The following NTNG1 variants were observed in gnomAD, a reference collection of about 807,000 sequenced individuals.
NTNG1 encodes netrin-G1.
In NTNG1, 16 loss-of-function variants were observed where a neutral mutation model predicts 54.0. That is an observed-to-expected ratio of 0.30 (90% CI 0.20 to 0.45). The LOEUF is 0.45. Among genes scored for constraint, NTNG1 ranks in the 20% least tolerant of loss-of-function variants. The pLI is 1.00. For missense variants in NTNG1, 530 were observed against 678.7 expected, an observed-to-expected ratio of 0.78 and a Z score of 2.43; for synonymous variants, 255 against 263.1, an observed-to-expected ratio of 0.97 and a Z score of 0.30.
intron 3 of NTNG1, among the ~76,000 whole-genome samples, chr1:107,342,185 A>ATCT (rs1302727970): frequency 6.6e-6 from 1 of 152,092 alleles, no homozygotes; most frequent in East Asian, 1.9e-4. Flanking sequence ...GGGTTTAGGA[A>ATCT]TAACTTATAA....
intron 3 of NTNG1, among the ~76,000 whole-genome samples, chr1:107,368,328 TAA>T (rs988188959): frequency 1.4e-5 from 2 of 143,124 alleles, no homozygotes; most frequent in African/African-American, 2.6e-5. Context: ...TTTCTTTACC[TAA>T]AAAAAAAAAA....
chr1:107,458,695 A>G (rs947994145), intron 7 of NTNG1, among the ~76,000 whole-genome samples: 3 of 152,184 alleles, frequency 2.0e-5, no homozygotes, highest in Non-Finnish European at 4.4e-5. Context: ...AAGAAGAAGA[A>G]AAACATGTAA....
intron 2 of NTNG1, among the ~76,000 whole-genome samples, chr1:107,207,265 C>T (rs57808293): frequency 0.016 from 2,390 of 152,256 alleles, 57 homozygotes; most frequent in African/African-American, 0.053. Flanking sequence ...AACTATGACA[C>T]CTAGAGATTT....
chr1:107,395,265 T>C lies in NTNG1; in HGVS notation c.999T>C (p.Tyr333=). 6.2e-7 allele frequency: 1 copy of C among 1,613,676 alleles called. No individual in the cohort carries two copies. The highest frequency in any genetic ancestry group is 8.5e-7 in the Non-Finnish European group (1 of 1,179,702). Residue 333 remains tyrosine, a synonymous_variant, in exon 4 of 8, where the codon TAT becomes TAC. Transcript: ENST00000370068. The part of the protein sequence containing the change: ...GPDCGKCKKN[Y]QGRPWSPGSY... ...ACTGTGGGAAATGCAAGAAGAATTATCAGGGCCGACCTTGGAGTCCAGGCT... is the reference window on the plus strand; with the variant it reads ...ACTGTGGGAAATGCAAGAAGAATTACCAGGGCCGACCTTGGAGTCCAGGCT...
intron 2 of NTNG1, among the ~76,000 whole-genome samples, chr1:107,311,168 C>T (rs926689108): frequency 6.6e-6 from 1 of 152,144 alleles, no homozygotes; most frequent in African/African-American, 2.4e-5. Flanking sequence ...CATGCATGAC[C>T]ATTGTAAATT....
chr1:107,353,276 A>C (rs1669737220), intron 3 of NTNG1, among the ~76,000 whole-genome samples: 1 of 152,160 alleles, frequency 6.6e-6, no homozygotes, highest in Admixed American at 6.5e-5. Flanking sequence ...CATATCAGCC[A>C]AAACTGTTAG....
rs1156429 is a variant in NTNG1 at position 107,422,599 on chromosome 1, G to A, written c.1088-8151G>A. Among the ~76,000 whole-genome samples, 855 of 152,188 alleles carry A rather than the reference G, an allele frequency of 5.6e-3. 13 individuals are homozygous for A. The highest frequency in any genetic ancestry group is 0.02 in the African/African-American group (816 of 41,546). On this transcript the variant is annotated intron_variant, in intron 5 of 7. Transcript: ENST00000370068. ...CTTCAACAGCTACATAAGGATGCAA[G>A]ACAGGATGGTGGGTGGGGAAAAGAC...
At chr1:107,162,649 C>T (rs953676325) in intron 2 of NTNG1, among the ~76,000 whole-genome samples, 6 of 152,112 alleles carry the variant, frequency 3.9e-5, no homozygotes, top group African/African-American at 1.4e-4. Context: ...TAGAACTTTA[C>T]ACAGGGGGCA....
chr1:107,379,028 T>C (rs1266505016), intron 3 of NTNG1, among the ~76,000 whole-genome samples: 1 of 152,208 alleles, frequency 6.6e-6, no homozygotes, highest in African/African-American at 2.4e-5. Context: ...TAATGGCATA[T>C]CTATTTGACT....
At chr1:107,474,868 T>C (rs377735174) in intron 7 of NTNG1, among the ~76,000 whole-genome samples, 2 of 152,218 alleles carry the variant, frequency 1.3e-5, no homozygotes, top group South Asian at 4.1e-4. Context: ...CTTAATACTG[T>C]TACAGTGGCA....
intron 2 of NTNG1, among the ~76,000 whole-genome samples, chr1:107,258,713 C>T (rs1663099178): frequency 6.6e-6 from 1 of 152,192 alleles, no homozygotes. Flanking sequence ...GGTCCATCTC[C>T]ACAGGGTACA....
intron 3 of NTNG1, among the ~76,000 whole-genome samples, chr1:107,365,444 G>C (rs1264307184): frequency 6.6e-6 from 1 of 151,958 alleles, no homozygotes; most frequent in African/African-American, 2.4e-5. Flanking sequence ...CTGGATTCCA[G>C]CCCCATTTTT....
chr1:107,414,056 T>G (rs946485967), intron 5 of NTNG1, among the ~76,000 whole-genome samples: 1 of 152,216 alleles, frequency 6.6e-6, no homozygotes, highest in East Asian at 1.9e-4. Context: ...CTTAATATTC[T>G]AAAGCAACTC....
intron 3 of NTNG1, among the ~76,000 whole-genome samples, chr1:107,394,315 G>GTT (rs1429704243): frequency 6.6e-6 from 1 of 152,174 alleles, no homozygotes; most frequent in Non-Finnish European, 1.5e-5. Context: ...GCATTGGGAT[G>GTT]TATTTTTGTG....
In NTNG1 at chr1:107,148,569, CAAG is replaced by C. The variant is rs773922333; in HGVS notation, c.-20_-18del. 7.9e-5 allele frequency: 127 copies of C among 1,609,082 alleles called. No individual in the cohort carries two copies. Among genetic ancestry groups the C allele is most frequent in the Non-Finnish European group, 1.0e-4 (121 of 1,176,582 alleles). On this transcript the variant is annotated 5_prime_UTR_variant, in exon 2 of 8. Coordinates refer to ENST00000370068, the MANE Select transcript of NTNG1 (RefSeq NM_001113226.3). ...ATAAAGCAAGCTCTGCTTTAGTTTC[CAAG>C]AAGATTACAAAGAATTTAGAGATGT...
At chr1:107,477,363 G>A (rs982021414) in intron 7 of NTNG1, among the ~76,000 whole-genome samples, 3 of 152,182 alleles carry the variant, frequency 2.0e-5, no homozygotes, top group African/African-American at 7.2e-5. Flanking sequence ...AGTACTGTTA[G>A]AGCACCATCA....
chr1:107,283,199 C>T (rs1452126362), intron 2 of NTNG1, among the ~76,000 whole-genome samples: 1 of 152,124 alleles, frequency 6.6e-6, no homozygotes, highest in African/African-American at 2.4e-5. Flanking sequence ...GATAACCTTC[C>T]CTCTGATTTC....
chr1:107,426,972 G>A (rs1431660781), intron 5 of NTNG1, among the ~76,000 whole-genome samples: 1 of 151,766 alleles, frequency 6.6e-6, no homozygotes, highest in Non-Finnish European at 1.5e-5. Context: ...TCTTAATTTG[G>A]TTTGCAGCTT....
chr1:107,404,059 C>G (rs1363157126), intron 4 of NTNG1, among the ~76,000 whole-genome samples: 1 of 146,028 alleles, frequency 6.8e-6, no homozygotes, highest in Non-Finnish European at 1.5e-5. Context: ...CTTCAGGATC[C>G]CTCACTGAAC....
Sources: allele counts gnomAD v4.1 joint callset (sites outside exome capture counted in the v4.1 genomes callset), GRCh38; gene constraint gnomAD v4.1.1; transcripts MANE v1.5; gene names NCBI Gene and HGNC (gene_info 2026-07-23, HGNC 2026-07-21).